The following CELSR2 variants were observed in gnomAD, a reference collection of about 807,000 sequenced individuals.
CELSR2 encodes the protein cadherin EGF LAG seven-pass G-type receptor 2.
CELSR2 carries 81 observed loss-of-function variants against 251.6 expected under a neutral mutation model. That is an observed-to-expected ratio of 0.32 (90% CI 0.27 to 0.39). CELSR2 has a LOEUF of 0.39. CELSR2 is among the 10% of genes least tolerant of loss of function. The pLI, the probability that CELSR2 is intolerant of heterozygous loss-of-function variation, is 1.00. For missense variants in CELSR2, 3,365 were observed against 3,947.7 expected (o/e 0.85, Z 3.96); for synonymous variants, 1,721 against 1,670.5 (o/e 1.03, Z -0.74).
At chr1:109,255,240 C>T (rs1655813413) in intron 1 of CELSR2, among the ~76,000 whole-genome samples, 2 of 152,246 alleles carry the variant, frequency 1.3e-5, no homozygotes, top group South Asian at 4.1e-4. Context: ...TCCTCTTGTT[C>T]TTTGTCTCTT....
intron 2 of CELSR2, 28 bp downstream of exon 2, chr1:109,259,107 C>T: frequency 6.5e-7 from 1 of 1,531,778 alleles, no homozygotes; most frequent in Non-Finnish European, 8.8e-7. Context: ...ACTCATGGGC[C>T]AGCCCTGGAA....
At chr1:109,262,627 G>A (rs960609202) in intron 6 of CELSR2, among the ~76,000 whole-genome samples, 179 bp from the exon 7 acceptor site, 3 of 152,182 alleles carry the variant, frequency 2.0e-5, no homozygotes, top group African/African-American at 7.2e-5. Context: ...TCTGGGGAGG[G>A]GGCTGAGTGT....
At chr1:109,262,213 C>A in intron 5 of CELSR2, 74 bp from the exon 6 acceptor site, 3 of 1,568,834 alleles carry the variant, frequency 1.9e-6, no homozygotes, top group Non-Finnish European at 2.6e-6. Flanking sequence ...ACAGAGGCAC[C>A]CAGTGTGTGC....
chr1:109,253,462 G>A (rs546228292), intron 1 of CELSR2, 73 bp downstream of exon 1: 4 of 1,515,516 alleles, frequency 2.6e-6, no homozygotes, highest in South Asian at 1.3e-5. Flanking sequence ...CTGGAGGTAG[G>A]GTGCGATCCA....
chr1:109,264,416 C>T (rs775807215), intron 10 of CELSR2, 38 bp from the exon 11 acceptor site: 102 of 1,599,322 alleles, frequency 6.4e-5, no homozygotes, highest in African/African-American at 1.5e-4. Flanking sequence ...CCTGCAGCCC[C>T]GCTCCACTGA....
At chr1:109,270,851 A>G (rs766237177) in intron 24 of CELSR2, 76 bp from the exon 25 acceptor site, 3 of 1,118,054 alleles carry the variant, frequency 2.7e-6, no homozygotes, top group Non-Finnish European at 3.9e-6. Context: ...TGGCCCTGTG[A>G]GCCCACCTGC....
chr1:109,252,323 C>T lies in CELSR2; in HGVS notation c.2244C>T (p.Thr748=), dbSNP rs191622090. ...DEDTGENARI[T]YFMEDSIPQF... is the part of the protein sequence containing the mutation. ...ACACAGGTGAGAATGCCCGCATCACCTACTTCATGGAGGACAGCATCCCCC... is the reference window on the plus strand; with the variant it reads ...ACACAGGTGAGAATGCCCGCATCACTTACTTCATGGAGGACAGCATCCCCC... Residue 748 remains threonine (T), a synonymous_variant, in exon 1 of 34, where the codon ACC becomes ACT. Coordinates refer to ENST00000271332, the MANE Select transcript of CELSR2 (RefSeq NM_001408.3). The surrounding 1 kb of genome is among the most constrained non-coding windows in gnomAD (Gnocchi z 4.8). 13 of 1,613,170 alleles carry T rather than the reference C, an allele frequency of 8.1e-6. No individual in the cohort carries two copies. In the Admixed American group the frequency reaches 1.3e-4, roughly 17 times the overall value.
At chr1:109,253,423 G>T (rs760926143) in intron 1 of CELSR2, 34 bp downstream of exon 1, 1 of 1,590,816 alleles carries the variant, frequency 6.3e-7, no homozygotes, top group South Asian at 1.1e-5. Flanking sequence ...TGGGGTGGGG[G>T]TAGCTCGCGG....
intron 1 of CELSR2, among the ~76,000 whole-genome samples, chr1:109,254,726 G>A (rs984882896): frequency 6.6e-6 from 1 of 152,192 alleles, no homozygotes; most frequent in African/African-American, 2.4e-5. Context: ...CCTCACTCAG[G>A]GTCCTTGCTG....
At chr1:109,265,078 G>A in intron 12 of CELSR2, 69 bp downstream of exon 12, 1 of 1,602,626 alleles carries the variant, frequency 6.2e-7, no homozygotes, top group Non-Finnish European at 8.5e-7. Context: ...GTCCCTCAGA[G>A]CCCCGAAAGC....
At position 109,266,137 on chromosome 1, in the gene CELSR2, G is replaced by A. The variant is rs752119946; in HGVS notation, c.5944G>A (p.Ala1982Thr). 10 of 1,613,988 alleles carry A rather than the reference G, an allele frequency of 6.2e-6. No individual in the cohort carries two copies. In the Admixed American group the frequency reaches 8.3e-5, roughly 13 times the overall value. Residue 1982 changes from alanine (A) to threonine (T), a missense_variant, in exon 15 of 34, where the codon GCT (alanine) becomes ACT (threonine). Physicochemically the swap from Ala to Thr is moderately conservative, Grantham distance 58. Coordinates refer to ENST00000271332, the MANE Select transcript of CELSR2 (RefSeq NM_001408.3). ...TGACAGCTGCCCACGAGCGATTGAG[G>A]CTGGGATCTGGTGGCCCCGTACCCG... ...NYDSCPRAIE[A>T]GIWWPRTRFG...
rs1655623157 is a variant in CELSR2, at chr1:109,249,871, C to T, written c.-209C>T. 3.2e-6 allele frequency: 1 copy of T among 314,438 alleles called. No individual in the cohort carries two copies. The highest frequency in any genetic ancestry group is 2.2e-5 in the African/African-American group (1 of 45,070). 19.5% of individuals were successfully genotyped at this position (314,438 alleles called of 1,614,324 possible). On this transcript the variant is annotated 5_prime_UTR_variant, in exon 1 of 34. Transcript: ENST00000271332. ...TGCTCAGGGTGACCCGGGAGCGGGT[C>T]TGGCTCAGGGGGCAGTGGGAGCCCG...
In CELSR2 at chr1:109,259,005, G is replaced by C; in HGVS notation, c.3884G>C (p.Arg1295Pro). ...ACCGAGGTGGACCTCTGCTACTCGC[G>C]GCCCTGTGGCCCCCACGGGCGCTGC... ...CETEVDLCYS[R>P]PCGPHGRCRS... The change falls in exon 2 of 34, where the codon CGG (arginine) becomes CCG (proline). Residue 1295 changes from arginine (R) to proline (P), a missense_variant. By Grantham distance (103) the Arg-to-Pro change is moderately radical. Coordinates refer to ENST00000271332, the MANE Select transcript of CELSR2 (RefSeq NM_001408.3). The C allele has an allele frequency of 1.2e-6, 2 of 1,604,810 alleles. No individual in the cohort carries two copies. Among genetic ancestry groups the C allele is most frequent in the Non-Finnish European group, 1.7e-6 (2 of 1,178,626 alleles).
Position 109,250,576 on chromosome 1 carries a change from C to A in CELSR2, c.497C>A (p.Ser166Tyr). The change falls in exon 1 of 34, where the codon TCC becomes TAC. Residue 166 changes from serine to tyrosine, a missense_variant. Physicochemically the swap from Ser to Tyr is moderately radical, Grantham distance 144 (BLOSUM62 -2). Around this residue, in one of 5 missense-constraint regions of CELSR2, gnomAD observed 704 missense variants for 784.1 expected, o/e 0.90. Transcript: ENST00000271332. This position sits in a 1 kb window ranked among gnomAD's most constrained non-coding sequence, Gnocchi z 4.4. ...GCAGGGGAAAGGTCACCAGAAGAGTCCCTGGGTGGGCGTCGGAAAAGGAAT... is the reference window on the plus strand; with the variant it reads ...GCAGGGGAAAGGTCACCAGAAGAGTACCTGGGTGGGCGTCGGAAAAGGAAT... ...LRAGERSPEE[S>Y]LGGRRKRNVN... 1.2e-6 allele frequency: 2 copies of A among 1,614,044 alleles called. No individual in the cohort carries two copies. Among genetic ancestry groups the A allele is most frequent in the Non-Finnish European group, 1.7e-6 (2 of 1,180,002 alleles).
At position 109,261,229 on chromosome 1, in the gene CELSR2, C is replaced by T. The variant is rs924035690; in HGVS notation, c.4146C>T (p.Gly1382=). 1 of 1,613,852 alleles carries T rather than the reference C, an allele frequency of 6.2e-7. No individual in the cohort carries two copies. Among genetic ancestry groups the T allele is most frequent in the Non-Finnish European group, 8.5e-7 (1 of 1,180,018 alleles). The change falls in exon 3 of 34, where the codon GGC becomes GGT. Residue 1382 remains glycine, a synonymous_variant. Coordinates refer to ENST00000271332, the MANE Select transcript of CELSR2 (RefSeq NM_001408.3). The surrounding 1 kb of genome is among the most constrained non-coding windows in gnomAD (Gnocchi z 4.8). The stretch of plus-strand genomic sequence containing the variant: ...CCCACTCCTTCATCACCTTTCGCGG[C>T]CTGCGCCAGCGTTTCCACTTCACCC... The part of the protein sequence containing the change: ...FPAHSFITFR[G]LRQRFHFTLA...
In CELSR2 at chr1:109,250,872, G is replaced by A. The variant is rs1194640932; in HGVS notation, c.793G>A (p.Gly265Ser). ...CTTCAGGGTCACGGCGCAGGACCACGGCATGCCCCGACGAAGTGCCCTGGC... is the reference window on the plus strand; with the variant it reads ...CTTCAGGGTCACGGCGCAGGACCACAGCATGCCCCGACGAAGTGCCCTGGC... ...HVFRVTAQDH[G>S]MPRRSALATL... Residue 265 changes from glycine (G) to serine (S), a missense_variant, in exon 1 of 34, where the codon GGC becomes AGC. Gly to Ser is a moderately conservative substitution (Grantham distance 56). Transcript: ENST00000271332. This position sits in a 1 kb window ranked among gnomAD's most constrained non-coding sequence, Gnocchi z 4.4. The A allele has an allele frequency of 1.2e-5, 19 of 1,614,022 alleles. No individual in the cohort carries two copies. The highest frequency in any genetic ancestry group is 2.7e-5 in the African/African-American group (2 of 75,060).
rs1369113711 is a variant in CELSR2, at chr1:109,261,866, G to A, written c.4356G>A (p.Trp1452Ter). The A allele has an allele frequency of 6.3e-7, 1 of 1,589,108 alleles. No homozygotes were observed. Among genetic ancestry groups the A allele is most frequent in the South Asian group, 1.1e-5 (1 of 87,858 alleles). Residue 1452 changes from tryptophan (W) to a stop codon, truncating the protein, a stop_gained, in exon 5 of 34, where the codon TGG (tryptophan) becomes TGA (stop). Coordinates refer to ENST00000271332, the MANE Select transcript of CELSR2 (RefSeq NM_001408.3). LOFTEE classifies it high-confidence loss of function. This position sits in a 1 kb window ranked among gnomAD's most constrained non-coding sequence, Gnocchi z 4.8. ...CCGGAGGAGTCAGTGATGGCCAGTG[G>A]CATACGGTGCAGCTGAAATACTACA... ...FVPGGVSDGQ[W>*]HTVQLKYYNK... is the part of the protein sequence containing the mutation.
At position 109,269,114 on chromosome 1, in the gene CELSR2, G is replaced by T; in HGVS notation, c.6636G>T (p.Thr2212=). 1 of 1,598,776 alleles carries T rather than the reference G, an allele frequency of 6.3e-7. No homozygotes were observed. The highest frequency in any genetic ancestry group is 1.7e-4 in the Middle Eastern group (1 of 5,992). Residue 2212 remains threonine (T), a synonymous_variant, in exon 20 of 34, where the codon ACG becomes ACT. Transcript: ENST00000271332. This position sits in a 1 kb window ranked among gnomAD's most constrained non-coding sequence, Gnocchi z 6.4. ...TGTGACAGTGTCCCCTCCCAGAGAC[G>T]CCCCCCGTGGTCAGGCCCGCAGGCC... ...VILPESVFRE[T]PPVVRPAGPG...
chr1:109,262,121 A>G (rs1302050092), intron 5 of CELSR2, among the ~76,000 whole-genome samples, 166 bp from the exon 6 acceptor site: 1 of 152,354 alleles, frequency 6.6e-6, no homozygotes, highest in East Asian at 1.9e-4. Flanking sequence ...GACACTGAGG[A>G]AGGTAGTTAC....
Sources: allele counts gnomAD v4.1 joint callset (sites outside exome capture counted in the v4.1 genomes callset), GRCh38; gene constraint gnomAD v4.1.1; regional missense constraint gnomAD v4.1.1; non-coding constraint Gnocchi (gnomAD v3.1); transcripts MANE v1.5; gene names NCBI Gene and HGNC (gene_info 2026-07-23, HGNC 2026-07-21).